Variants in NT5DC1 observed in about 807,000 individuals in gnomAD.
NT5DC1 encodes 5'-nucleotidase domain-containing protein 1.
A neutral mutation model predicts 59.4 loss-of-function variants in NT5DC1; 42 were observed. The observed-to-expected ratio is 0.71, with a 90% CI of 0.55 to 0.92. The LOEUF (loss-of-function observed/expected upper bound fraction) is 0.92. Ranked by LOEUF, NT5DC1 falls within the 40% of genes least tolerant of loss-of-function variation. The pLI is 0.00. For missense variants in NT5DC1, 501 were observed against 537.1 expected, an observed-to-expected ratio of 0.93 and a Z score of 0.66; for synonymous variants, 172 against 188.1, an observed-to-expected ratio of 0.91 and a Z score of 0.70.
rs1223761788 is a variant in NT5DC1 at position 116,244,927 on chromosome 6, GA to G, written c.*909del. ...GGGGACAAAAATTGGTTCTTGGGGT[GA>G]AAAAATATTAGATATGGCTTGTGGA... On this transcript the variant is annotated 3_prime_UTR_variant, in exon 12 of 12. Transcript: ENST00000319550. 1.3e-5 allele frequency: 2 copies of G among 152,044 alleles called. No homozygotes were observed. Among genetic ancestry groups the G allele is most frequent in the African/African-American group, 4.8e-5 (2 of 41,382 alleles). 9.4% of individuals were successfully genotyped at this position (152,044 alleles called of 1,614,324 possible).
chr6:116,206,586 A>G (rs1300034111), intron 6 of NT5DC1, among the ~76,000 whole-genome samples: 1 of 152,002 alleles, frequency 6.6e-6, no homozygotes, highest in African/African-American at 2.4e-5. Flanking sequence ...ATGGAATAGC[A>G]ACTCTCCTTA....
chr6:116,196,540 A>G (rs1781231294), intron 6 of NT5DC1, among the ~76,000 whole-genome samples: 1 of 152,090 alleles, frequency 6.6e-6, no homozygotes, highest in Admixed American at 6.6e-5. Context: ...AATTATATCA[A>G]TTAGAAAAAT....
intron 6 of NT5DC1, among the ~76,000 whole-genome samples, chr6:116,193,808 C>A (rs1292130787): frequency 6.6e-6 from 1 of 151,966 alleles, no homozygotes; most frequent in East Asian, 1.9e-4. Flanking sequence ...CAATGGCTCA[C>A]ACCTATAATC....
intron 6 of NT5DC1, among the ~76,000 whole-genome samples, chr6:116,193,245 G>A (rs1204185223): frequency 2.6e-5 from 4 of 151,956 alleles, no homozygotes; most frequent in Non-Finnish European, 5.9e-5. Flanking sequence ...TTGCCCCATA[G>A]TATCCAGTAA....
intron 6 of NT5DC1, among the ~76,000 whole-genome samples, chr6:116,136,688 A>G (rs576160748): frequency 2.0e-5 from 3 of 152,200 alleles, no homozygotes; most frequent in Non-Finnish European, 2.9e-5. Context: ...TCATATTAAT[A>G]AACAGATAAA....
At chr6:116,137,759 T>C (rs1779648691) in intron 6 of NT5DC1, among the ~76,000 whole-genome samples, 2 of 152,308 alleles carry the variant, frequency 1.3e-5, no homozygotes, top group South Asian at 4.1e-4. Context: ...AAACCAGTTA[T>C]CTTTTAGAGT....
chr6:116,236,394 T>C (rs1782114269), intron 8 of NT5DC1, among the ~76,000 whole-genome samples: 1 of 151,980 alleles, frequency 6.6e-6, no homozygotes, highest in Non-Finnish European at 1.5e-5. Flanking sequence ...TTAACAGGAG[T>C]AGGAAGGTAA....
At chr6:116,236,888 C>T in intron 8 of NT5DC1, 78 bp from the exon 9 acceptor site, 1 of 828,686 alleles carries the variant, frequency 1.2e-6, no homozygotes, top group Non-Finnish European at 2.1e-6. Context: ...GTCCTGTAGC[C>T]ATGCCCTAAG....
intron 6 of NT5DC1, among the ~76,000 whole-genome samples, chr6:116,192,352 G>A (rs758537123): frequency 1.3e-4 from 20 of 151,928 alleles, no homozygotes; most frequent in Admixed American, 2.0e-4. Flanking sequence ...CATTATTTCC[G>A]TTTTGGGTAT....
At chr6:116,207,194 A>G (rs958700049) in intron 6 of NT5DC1, among the ~76,000 whole-genome samples, 2 of 151,894 alleles carry the variant, frequency 1.3e-5, no homozygotes, top group Admixed American at 1.3e-4. Context: ...GATTTCTTCC[A>G]CTTTATTCTG....
At chr6:116,114,874 A>G (rs185443950) in intron 4 of NT5DC1, among the ~76,000 whole-genome samples, 1 of 152,310 alleles carries the variant, frequency 6.6e-6, no homozygotes, top group East Asian at 1.9e-4. Context: ...CCTGTTCTAA[A>G]TGTGAAGTTT....
At chr6:116,207,608 T>A (rs1229097977) in intron 6 of NT5DC1, among the ~76,000 whole-genome samples, 1 of 151,956 alleles carries the variant, frequency 6.6e-6, no homozygotes, top group East Asian at 1.9e-4. Context: ...TATATAAACT[T>A]GTTGCATTAG....
chr6:116,167,624 CCTT>C (rs1161468598), intron 6 of NT5DC1, among the ~76,000 whole-genome samples: 1 of 152,068 alleles, frequency 6.6e-6, no homozygotes, highest in Non-Finnish European at 1.5e-5. Flanking sequence ...TTTTTTACTT[CCTT>C]CTTTTCTTAC....
At chr6:116,239,447 G>A (rs1018775880) in intron 11 of NT5DC1, among the ~76,000 whole-genome samples, 10 of 152,262 alleles carry the variant, frequency 6.6e-5, no homozygotes, top group African/African-American at 2.4e-4. Flanking sequence ...TGCTGATTCC[G>A]GAGGCGGCAC....
Position 116,238,006 on chromosome 6 carries a change from G to T in NT5DC1, c.922-181G>T, listed in dbSNP as rs186604397. ...CTTCTTAAGACAAATCTGGCACCCT[G>T]TGAATCAAATGAGACAAGTTGATGG... is the stretch of plus-strand genomic sequence containing the variant. On this transcript the variant is annotated intron_variant, in intron 9 of 11. Transcript: ENST00000319550. Among the ~76,000 whole-genome samples the T allele has an allele frequency of 3.3e-5, 5 of 152,312 alleles. No individual in the cohort carries two copies. The East Asian group carries it at 7.7e-4, about 23-fold the overall frequency.
At chr6:116,198,087 G>A (rs568462601) in intron 6 of NT5DC1, among the ~76,000 whole-genome samples, 15 of 152,024 alleles carry the variant, frequency 9.9e-5, no homozygotes, top group African/African-American at 3.6e-4. Flanking sequence ...AGAGATCCTG[G>A]TAAATAAAAG....
chr6:116,183,649 T>A (rs373467527), intron 6 of NT5DC1, among the ~76,000 whole-genome samples: 8 of 151,972 alleles, frequency 5.3e-5, no homozygotes, highest in East Asian at 1.9e-4. Context: ...TTTTATTATT[T>A]TTTTTTTGCA....
intron 1 of NT5DC1, among the ~76,000 whole-genome samples, chr6:116,103,276 A>G (rs1778700263): frequency 2.0e-5 from 3 of 152,144 alleles, no homozygotes; most frequent in African/African-American, 7.2e-5. Flanking sequence ...TGCTTATATG[A>G]ATGGATTTAA....
chr6:116,114,632 C>T (rs9488836), intron 4 of NT5DC1, among the ~76,000 whole-genome samples: 54,855 of 150,800 alleles, frequency 0.36, 10,308 homozygotes, highest in African/African-American at 0.45. Context: ...CTGTTTGACT[C>T]TTCTTTGTAT....
Sources: allele counts gnomAD v4.1 joint callset (sites outside exome capture counted in the v4.1 genomes callset), GRCh38; gene constraint gnomAD v4.1.1; transcripts MANE v1.5; gene names NCBI Gene and HGNC (gene_info 2026-07-23, HGNC 2026-07-21).